The following ROBO1 variants were observed in gnomAD, a reference collection of about 807,000 sequenced individuals.
ROBO1 encodes the protein roundabout guidance receptor 1.
ROBO1 carries 149 observed loss-of-function variants against 195.9 expected under a neutral mutation model. That is an observed-to-expected ratio of 0.76 (90% CI 0.67 to 0.87). The LOEUF (loss-of-function observed/expected upper bound fraction) is 0.87, where lower values mean the gene tolerates loss of function less well. Among genes scored for constraint, ROBO1 ranks in the 40% least tolerant of loss-of-function variants. The probability of loss-of-function intolerance (pLI) is 0.00; values close to 1 mark genes in which losing one functional copy is unlikely to be tolerated. For missense variants in ROBO1, 1,933 were observed against 2,068.3 expected (o/e 0.93, Z 1.27); for synonymous variants, 816 against 733.2 (o/e 1.11, Z -1.82).
intron 26 of ROBO1, among the ~76,000 whole-genome samples, chr3:78,620,315 C>A (rs568479971): frequency 1.3e-5 from 2 of 151,878 alleles, no homozygotes; most frequent in South Asian, 4.2e-4. Context: ...AGTTCAAGAC[C>A]AGCCTGGCCA....
At position 79,324,198 on chromosome 3, in the gene ROBO1, T is replaced by C. The variant is rs188647415; in HGVS notation, c.89-198659A>G. ...CAATTTTGATGTGCCTGTACTCTAA[T>C]AATGCCTGTTCTACAATCTCAGGAA... On this transcript the variant is annotated intron_variant, in intron 2 of 30. Coordinates refer to ENST00000464233, the MANE Select transcript of ROBO1 (RefSeq NM_002941.4). Among the ~76,000 whole-genome samples the C allele has an allele frequency of 4.7e-4, 71 of 152,280 alleles. No individual in the cohort carries two copies. The East Asian group carries it at 8.3e-3, about 18-fold the overall frequency.
intron 1 of ROBO1, among the ~76,000 whole-genome samples, chr3:79,703,584 T>A (rs1947681536): frequency 1.3e-5 from 2 of 151,884 alleles, no homozygotes; most frequent in Admixed American, 6.6e-5. Flanking sequence ...AGCTAAGCAG[T>A]TTTTAGCATG....
chr3:79,067,504 A>C (rs2079023102), intron 3 of ROBO1, among the ~76,000 whole-genome samples: 1 of 151,996 alleles, frequency 6.6e-6, no homozygotes, highest in African/African-American at 2.4e-5. Context: ...TGTCAATTAC[A>C]AACGATGTGA....
At chr3:79,089,870 A>G (rs1287471379) in intron 3 of ROBO1, among the ~76,000 whole-genome samples, 1 of 151,480 alleles carries the variant, frequency 6.6e-6, no homozygotes, top group Non-Finnish European at 1.5e-5. Flanking sequence ...TTCTTTTTCT[A>G]GTCAATTTAC....
chr3:79,455,057 T>A (rs1361209702), intron 2 of ROBO1, among the ~76,000 whole-genome samples: 1 of 152,080 alleles, frequency 6.6e-6, no homozygotes, highest in Non-Finnish European at 1.5e-5. Context: ...ACTCTGAATA[T>A]CTGTTCTTAT....
At chr3:79,067,681 G>T (rs1331383458) in intron 3 of ROBO1, among the ~76,000 whole-genome samples, 1 of 151,946 alleles carries the variant, frequency 6.6e-6, no homozygotes, top group South Asian at 2.1e-4. Flanking sequence ...GAATGAGAAA[G>T]AATTATAATG....
chr3:78,973,575 CTATATATA>C (rs58598961), intron 3 of ROBO1, among the ~76,000 whole-genome samples: 43 of 129,412 alleles, frequency 3.3e-4, no homozygotes, highest in African/African-American at 9.6e-4. Context: ...ATATATGAAG[CTATATATA>C]TATATATATA....
chr3:78,637,278 C>A (rs999745098), intron 22 of ROBO1, among the ~76,000 whole-genome samples: 1 of 152,010 alleles, frequency 6.6e-6, no homozygotes, highest in African/African-American at 2.4e-5. Flanking sequence ...AACCATGAAC[C>A]GTCAGGGAAC....
chr3:79,277,570 G>A (rs2031145526), intron 2 of ROBO1, among the ~76,000 whole-genome samples: 1 of 151,930 alleles, frequency 6.6e-6, no homozygotes, highest in Admixed American at 6.6e-5. Context: ...GAATGCACAA[G>A]TGACTTCAGT....
At chr3:79,510,716 C>T (rs558756471) in intron 2 of ROBO1, among the ~76,000 whole-genome samples, 3 of 152,014 alleles carry the variant, frequency 2.0e-5, no homozygotes, top group Non-Finnish European at 2.9e-5. Context: ...AATGTCTATG[C>T]GACAGAGAAG....
chr3:79,228,539 T>C (rs1222490689), intron 2 of ROBO1, among the ~76,000 whole-genome samples: 2 of 152,256 alleles, frequency 1.3e-5, no homozygotes, highest in South Asian at 4.1e-4. Context: ...TAATTTCCAT[T>C]TGTCAGGGAG....
chr3:78,713,836 C>A (rs763867849), intron 8 of ROBO1, among the ~76,000 whole-genome samples: 1 of 152,210 alleles, frequency 6.6e-6, no homozygotes, highest in Non-Finnish European at 1.5e-5. Context: ...AACTGCAATT[C>A]GTTCAATCAA....
intron 29 of ROBO1, among the ~76,000 whole-genome samples, chr3:78,605,932 C>T (rs995494394): frequency 1.3e-5 from 2 of 152,128 alleles, no homozygotes; most frequent in African/African-American, 4.8e-5. Context: ...ACAGGCTGAT[C>T]CTTCCTGTTC....
chr3:79,125,827 T>C (rs1232689187), intron 2 of ROBO1, among the ~76,000 whole-genome samples: 1 of 152,162 alleles, frequency 6.6e-6, no homozygotes, highest in Non-Finnish European at 1.5e-5. Context: ...CCGACTGCCC[T>C]CTGTGAGGCC....
chr3:78,875,039 C>A (rs1419038105), intron 4 of ROBO1, among the ~76,000 whole-genome samples: 2 of 151,974 alleles, frequency 1.3e-5, no homozygotes, highest in African/African-American at 2.4e-5. Context: ...GTGTGTAGAA[C>A]TGTACTGCAA....
chr3:79,440,871 G>A (rs768634983), intron 2 of ROBO1, among the ~76,000 whole-genome samples: 6 of 152,142 alleles, frequency 3.9e-5, no homozygotes, highest in Non-Finnish European at 8.8e-5. Context: ...GGAGGGCTTC[G>A]GATGCCATCA....
chr3:78,627,457 C>T lies in ROBO1; in HGVS notation c.3739G>A (p.Ala1247Thr). The stretch of plus-strand genomic sequence containing the variant: ...TAGGACACGGCAGCTGGAGAAGAAG[C>T]TGCTCCCCGAACAGGGGGAGTGGGG... ...RGPTPPVRGA[A>T]SSPAAVSYSH... is the part of the protein sequence containing the mutation. Residue 1247 changes from alanine to threonine, a missense_variant, in exon 26 of 31, where the codon GCT becomes ACT. Physicochemically the swap from Ala to Thr is moderately conservative, Grantham distance 58. This residue lies in a region of ROBO1 where 1,737 missense variants were observed against 1,882.5 expected (regional missense o/e 0.92). Transcript: ENST00000464233. The T allele has an allele frequency of 6.2e-7, 1 of 1,613,076 alleles. No homozygotes were observed. The highest frequency in any genetic ancestry group is 1.1e-5 in the South Asian group (1 of 90,906).
chr3:78,804,329 A>G (rs2084464250), intron 4 of ROBO1, among the ~76,000 whole-genome samples: 1 of 152,170 alleles, frequency 6.6e-6, no homozygotes, highest in African/African-American at 2.4e-5. Context: ...GAAAGATATA[A>G]GAGATTTTCT....
intron 16 of ROBO1, chr3:78,660,053 TGGGATTACA>T: frequency 3.8e-6 from 1 of 265,528 alleles, no homozygotes; most frequent in Non-Finnish European, 7.1e-6. Context: ...CCTGAGTAGC[TGGGATTACA>T]GGCACCCACC....
Sources: allele counts gnomAD v4.1 joint callset (sites outside exome capture counted in the v4.1 genomes callset), GRCh38; gene constraint gnomAD v4.1.1; regional missense constraint gnomAD v4.1.1; transcripts MANE v1.5; gene names NCBI Gene and HGNC (gene_info 2026-07-23, HGNC 2026-07-21).